Variants in MAP7 observed in about 807,000 individuals in gnomAD.
MAP7 encodes the protein microtubule associated protein 7.
Under a neutral mutation model 94.8 loss-of-function variants are expected in MAP7, and 52 were observed. The ratio of observed to expected loss-of-function variants is 0.55; its 90% CI spans 0.44 to 0.69. The LOEUF is 0.69. Among genes scored for constraint, MAP7 ranks in the 30% least tolerant of loss-of-function variants. The pLI is 0.00. For missense variants in MAP7, 940 were observed against 964.6 expected (o/e 0.97, Z 0.34); for synonymous variants, 350 against 357.0 (o/e 0.98, Z 0.22).
At chr6:136,436,252 C>G (rs969827924) in intron 1 of MAP7, among the ~76,000 whole-genome samples, 8 of 152,140 alleles carry the variant, frequency 5.3e-5, no homozygotes, top group African/African-American at 1.9e-4. Flanking sequence ...TTTGGATAAA[C>G]TATTCAATTT....
chr6:136,361,266 G>A (rs1238588452), intron 11 of MAP7, 87 bp from the exon 12 acceptor site: 2 of 1,367,358 alleles, frequency 1.5e-6, no homozygotes, highest in East Asian at 2.3e-5. Context: ...TCTGTAGGGC[G>A]GTTCCTTTAG....
intron 1 of MAP7, among the ~76,000 whole-genome samples, chr6:136,475,087 T>C (rs73777908): frequency 0.034 from 5,106 of 152,260 alleles, 289 homozygotes; most frequent in African/African-American, 0.11. Flanking sequence ...ATGCTAAGTA[T>C]GTTGGCCTTC....
At position 136,541,336 on chromosome 6, in the gene MAP7, T is replaced by G. The variant is rs1231650151; in HGVS notation, c.67+9006A>C. 3.3e-5 allele frequency among the ~76,000 whole-genome samples: 5 copies of G among 152,310 alleles called. 1 individual carries two copies. In the East Asian group the frequency reaches 9.6e-4, roughly 29 times the overall value. On this transcript the variant is annotated intron_variant, in intron 1 of 17. Transcript: ENST00000354570. Reference sequence around the variant, plus strand: ...CATTTAAACTGATCCTAGAGAACTTTTCTACATTCAACAGTGTTGGGGAAA... The same window carrying G: ...CATTTAAACTGATCCTAGAGAACTTGTCTACATTCAACAGTGTTGGGGAAA...
intron 10 of MAP7, chr6:136,364,065 AC>A: frequency 7.5e-6 from 2 of 267,326 alleles, no homozygotes; most frequent in South Asian, 7.6e-5. Flanking sequence ...TTGAAGTGGA[AC>A]CCTCACTTCA....
At chr6:136,395,519 CTT>C (rs997231031) in intron 3 of MAP7, among the ~76,000 whole-genome samples, 1 of 146,462 alleles carries the variant, frequency 6.8e-6, no homozygotes, top group African/African-American at 2.5e-5. Flanking sequence ...TTCACTGTCT[CTT>C]CTGTTGTTTC....
rs755131977 is a variant in MAP7, at chr6:136,425,230, T to C, written c.68-3431A>G. ...AACTGTTTATTTCTGAAGTTTTCCA[T>C]TTAATATTTTTGGACTACAACTGAC... On this transcript the variant is annotated intron_variant, in intron 1 of 17. Transcript: ENST00000354570. Among the ~76,000 whole-genome samples, 10 of 152,220 alleles carry C rather than the reference T, an allele frequency of 6.6e-5. No homozygotes were observed. The East Asian group carries it at 1.7e-3, about 26-fold the overall frequency.
At chr6:136,548,123 C>T (rs908769460) in intron 1 of MAP7, among the ~76,000 whole-genome samples, 1 of 134,044 alleles carries the variant, frequency 7.5e-6, no homozygotes, top group Admixed American at 7.8e-5. Flanking sequence ...CCAACAATTC[C>T]ATACAAACTT....
At chr6:136,542,433 C>G (rs1300849277) in intron 1 of MAP7, among the ~76,000 whole-genome samples, 4 of 152,170 alleles carry the variant, frequency 2.6e-5, no homozygotes, top group African/African-American at 7.2e-5. Flanking sequence ...GGTAAGTATT[C>G]AGTTTGACAA....
chr6:136,522,779 C>T (rs1392534701), intron 1 of MAP7, among the ~76,000 whole-genome samples: 3 of 152,198 alleles, frequency 2.0e-5, no homozygotes, highest in Non-Finnish European at 4.4e-5. Flanking sequence ...CGCCTGTAAT[C>T]CCAGCCCTTT....
intron 1 of MAP7, among the ~76,000 whole-genome samples, chr6:136,486,085 T>C (rs1167848179): frequency 2.6e-5 from 4 of 152,178 alleles, no homozygotes; most frequent in Non-Finnish European, 4.4e-5. Flanking sequence ...TAAGAACAAG[T>C]GCAACTGATT....
intron 1 of MAP7, among the ~76,000 whole-genome samples, chr6:136,456,767 G>GGAGGAGGAGGAGGAGGAC (rs1179338276): frequency 9.9e-5 from 6 of 60,520 alleles, no homozygotes; most frequent in African/African-American, 4.4e-4. Flanking sequence ...AGGAGGAGGA[G>GGAGGAGGAGGAGGAGGAC]GAAGAAGAAG....
intron 1 of MAP7, among the ~76,000 whole-genome samples, chr6:136,534,127 T>C (rs1233996927): frequency 6.6e-6 from 1 of 152,208 alleles, no homozygotes; most frequent in Admixed American, 6.5e-5. Flanking sequence ...AGTGTATCAG[T>C]GAGGATTCTT....
At chr6:136,543,260 A>C (rs1829468570) in intron 1 of MAP7, among the ~76,000 whole-genome samples, 1 of 152,230 alleles carries the variant, frequency 6.6e-6, no homozygotes, top group African/African-American at 2.4e-5. Flanking sequence ...AAACTACTTC[A>C]TCAAGAAAAA....
At chr6:136,407,339 C>A (rs1785935727) in intron 3 of MAP7, among the ~76,000 whole-genome samples, 1 of 152,076 alleles carries the variant, frequency 6.6e-6, no homozygotes, top group South Asian at 2.1e-4. Flanking sequence ...TATAAAACAG[C>A]AGTAGAATGT....
chr6:136,492,708 G>A (rs924833099), intron 1 of MAP7, among the ~76,000 whole-genome samples: 1 of 152,092 alleles, frequency 6.6e-6, no homozygotes, highest in Non-Finnish European at 1.5e-5. Context: ...ATAAAATTAT[G>A]CATCTTAACT....
chr6:136,467,084 G>A (rs1467461852), intron 1 of MAP7, among the ~76,000 whole-genome samples: 2 of 152,158 alleles, frequency 1.3e-5, no homozygotes, highest in African/African-American at 4.8e-5. Context: ...GAGTAGGGGA[G>A]GCTTTTCCTG....
At chr6:136,403,814 G>C (rs575543207) in intron 3 of MAP7, among the ~76,000 whole-genome samples, 1 of 152,288 alleles carries the variant, frequency 6.6e-6, no homozygotes, top group South Asian at 2.1e-4. Context: ...TTCCAGTCCT[G>C]AGCCTGACTC....
intron 10 of MAP7, chr6:136,364,609 A>G (rs758961068): frequency 3.5e-5 from 7 of 201,478 alleles, no homozygotes; most frequent in Non-Finnish European, 6.0e-5. Flanking sequence ...TGTGGCAGAA[A>G]CATTGGTGTG....
At chr6:136,387,488 C>T (rs901193847) in intron 5 of MAP7, among the ~76,000 whole-genome samples, 4 of 152,158 alleles carry the variant, frequency 2.6e-5, no homozygotes, top group African/African-American at 9.7e-5. Context: ...CCCAGATCTA[C>T]GTCTATGCGC....
Sources: gnomAD v4.1 joint callset for allele counts (sites outside exome capture counted in the v4.1 genomes callset) on GRCh38, gnomAD v4.1.1 for gene constraint, MANE v1.5 for transcripts, NCBI Gene and HGNC (gene_info 2026-07-23, HGNC 2026-07-21) for gene names.